The following PARD3 variants were observed in gnomAD, a reference collection of about 807,000 sequenced individuals.
PARD3 encodes the protein partitioning defective 3 homolog.
In PARD3, 75 loss-of-function variants were observed where a neutral mutation model predicts 155.4. The observed-to-expected ratio is 0.48, with a 90% CI of 0.40 to 0.58. The LOEUF is 0.58. Among genes scored for constraint, PARD3 ranks in the 20% least tolerant of loss-of-function variants. The pLI is 0.00. For missense variants in PARD3, 1,642 were observed against 1,721.7 expected (o/e 0.95, Z 0.82); for synonymous variants, 576 against 610.5 (o/e 0.94, Z 0.83).
At chr10:34,367,100 A>T (rs1222057154) in intron 12 of PARD3, among the ~76,000 whole-genome samples, 1 of 152,220 alleles carries the variant, frequency 6.6e-6, no homozygotes, top group Non-Finnish European at 1.5e-5. Flanking sequence ...TCACCCAATC[A>T]AAGAAACATC....
At chr10:34,192,078 GT>G (rs1040090379) in intron 22 of PARD3, among the ~76,000 whole-genome samples, 41 of 144,324 alleles carry the variant, frequency 2.8e-4, no homozygotes, top group Middle Eastern at 3.5e-3. Flanking sequence ...TTTCCTGCTT[GT>G]TTTTTTTTTT....
chr10:34,736,807 G>T (rs976379383), intron 1 of PARD3, among the ~76,000 whole-genome samples: 1 of 152,048 alleles, frequency 6.6e-6, no homozygotes, highest in Non-Finnish European at 1.5e-5. Context: ...CTCCCAAGTA[G>T]CTGGGATTAC....
intron 21 of PARD3, among the ~76,000 whole-genome samples, chr10:34,274,744 A>G (rs1387849111): frequency 6.6e-6 from 1 of 152,204 alleles, no homozygotes; most frequent in African/African-American, 2.4e-5. Context: ...TGATTTATTA[A>G]TGACTAAACT....
intron 2 of PARD3, among the ~76,000 whole-genome samples, chr10:34,559,948 G>A (rs1429555074): frequency 6.6e-6 from 1 of 152,192 alleles, no homozygotes; most frequent in Non-Finnish European, 1.5e-5. Flanking sequence ...AAATGAGTCA[G>A]TGAAGAGAGA....
intron 3 of PARD3, among the ~76,000 whole-genome samples, chr10:34,504,642 A>T (rs1384849960): frequency 6.6e-6 from 1 of 152,106 alleles, no homozygotes. Context: ...GAAAAGTTAG[A>T]GGTGAGAATC....
Position 34,294,862 on chromosome 10 carries a change from G to A in PARD3, c.3066-10617C>T, listed in dbSNP as rs118150729. Among the ~76,000 whole-genome samples the A allele has an allele frequency of 8.3e-3, 1,266 of 152,192 alleles. 13 individuals are homozygous for A. The highest frequency in any genetic ancestry group is 0.026 in the South Asian group (125 of 4,814). On this transcript the variant is annotated intron_variant, in intron 20 of 24. Transcript: ENST00000374788. ...AAAAGGGACTAGAGGTCACATATTTGCTTAAAGTCACCATCTGTGCAGCAT... is the reference window on the plus strand; with the variant it reads ...AAAAGGGACTAGAGGTCACATATTTACTTAAAGTCACCATCTGTGCAGCAT...
At chr10:34,275,021 C>T (rs1466994324) in intron 21 of PARD3, among the ~76,000 whole-genome samples, 4 of 152,132 alleles carry the variant, frequency 2.6e-5, no homozygotes, top group African/African-American at 9.7e-5. Flanking sequence ...AAGTCAATCT[C>T]TCAAAAGAAG....
intron 22 of PARD3, among the ~76,000 whole-genome samples, chr10:34,233,749 T>C (rs1953064313): frequency 6.6e-6 from 1 of 152,060 alleles, no homozygotes; most frequent in Non-Finnish European, 1.5e-5. Context: ...TTTATTTCTA[T>C]CCCATCCCAC....
intron 1 of PARD3, among the ~76,000 whole-genome samples, chr10:34,726,147 T>A (rs2094706367): frequency 6.6e-6 from 1 of 152,180 alleles, no homozygotes; most frequent in African/African-American, 2.4e-5. Context: ...ACAAATCGAG[T>A]TCATGTTTTA....
chr10:34,141,986 A>G (rs1165519884), intron 22 of PARD3, among the ~76,000 whole-genome samples: 1 of 152,208 alleles, frequency 6.6e-6, no homozygotes, highest in African/African-American at 2.4e-5. Context: ...ATCATTGTCA[A>G]ACTAATTATC....
At chr10:34,794,300 A>T (rs1473553004) in intron 1 of PARD3, among the ~76,000 whole-genome samples, 1 of 152,214 alleles carries the variant, frequency 6.6e-6, no homozygotes, top group Non-Finnish European at 1.5e-5. Context: ...CATCCCTGCA[A>T]TGCCATACCT....
intron 22 of PARD3, among the ~76,000 whole-genome samples, chr10:34,132,003 A>G (rs1947640833): frequency 6.6e-6 from 1 of 152,180 alleles, no homozygotes; most frequent in Admixed American, 6.5e-5. Flanking sequence ...TAAATATATG[A>G]AGTAGAGATA....
intron 1 of PARD3, among the ~76,000 whole-genome samples, chr10:34,713,649 C>T (rs1271924413): frequency 6.6e-6 from 1 of 151,944 alleles, no homozygotes; most frequent in South Asian, 2.1e-4. Flanking sequence ...ACCTGTAGTC[C>T]CAGCTGCTCA....
intron 1 of PARD3, among the ~76,000 whole-genome samples, chr10:34,729,764 G>A (rs1280055235): frequency 6.6e-6 from 1 of 152,136 alleles, no homozygotes; most frequent in East Asian, 1.9e-4. Flanking sequence ...TATGCAGCGA[G>A]CAGTCTCCTG....
intron 16 of PARD3, 96 bp from the exon 17 acceptor site, chr10:34,337,522 A>AT (rs1297578067): frequency 3.4e-6 from 2 of 584,128 alleles, no homozygotes; most frequent in Admixed American, 4.1e-5. Context: ...GTAAATATAC[A>AT]TATGTATATT....
chr10:34,157,127 G>A (rs1588961867), intron 22 of PARD3, among the ~76,000 whole-genome samples: 1 of 152,162 alleles, frequency 6.6e-6, no homozygotes, highest in East Asian at 1.9e-4. Context: ...AAAAGAACAC[G>A]CGTTATCAAG....
rs1836871602 is a variant in PARD3, at chr10:34,341,899, T to C, written c.2219-83A>G. The C allele has an allele frequency of 3.6e-6, 3 of 823,888 alleles. No homozygotes were observed. The African/African-American group carries it at 5.2e-5, about 14-fold the overall frequency. 51.0% of individuals were successfully genotyped at this position (823,888 alleles called of 1,614,324 possible). The stretch of plus-strand genomic sequence containing the variant: ...TATTAATTTTAATACTTTGCTATAT[T>C]AGTAAAAGTCTAATTTTCCACATAT... On this transcript the variant is annotated intron_variant, in intron 15 of 24. Coordinates refer to ENST00000374788, the MANE Select transcript of PARD3 (RefSeq NM_001184785.2).
At chr10:34,118,753 T>C (rs1162081074) in intron 24 of PARD3, among the ~76,000 whole-genome samples, 1 of 152,234 alleles carries the variant, frequency 6.6e-6, no homozygotes, top group Non-Finnish European at 1.5e-5. Context: ...GTCAAAAGTC[T>C]ACCTGATATC....
intron 22 of PARD3, among the ~76,000 whole-genome samples, chr10:34,183,467 A>C (rs575433952): frequency 4.0e-4 from 61 of 152,346 alleles, no homozygotes; most frequent in African/African-American, 1.4e-3. Context: ...AGGCAGCTTG[A>C]AGAGCCAGGC....
Sources: allele counts gnomAD v4.1 joint callset (sites outside exome capture counted in the v4.1 genomes callset), GRCh38; gene constraint gnomAD v4.1.1; transcripts MANE v1.5; gene names NCBI Gene and HGNC (gene_info 2026-07-23, HGNC 2026-07-21).